The following AKAP6 variants were observed in gnomAD, a reference collection of about 807,000 sequenced individuals.
AKAP6 encodes A-kinase anchoring protein 6.
AKAP6 carries 58 observed loss-of-function variants against 188.5 expected under a neutral mutation model. The ratio of observed to expected loss-of-function variants is 0.31; its 90% CI spans 0.25 to 0.38. AKAP6 has a LOEUF of 0.38. AKAP6 is among the 10% of genes least tolerant of loss of function. The pLI is 1.00. For missense variants in AKAP6, 2,710 were observed against 2,740.0 expected (o/e 0.99, Z 0.24); for synonymous variants, 989 against 998.6 (o/e 0.99, Z 0.18).
chr14:32,751,013 C>T (rs909409063), intron 11 of AKAP6, among the ~76,000 whole-genome samples: 16 of 152,050 alleles, frequency 1.1e-4, no homozygotes, highest in African/African-American at 3.6e-4. Flanking sequence ...GGATTACAGG[C>T]GTGAGCCACC....
At chr14:32,513,798 A>G (rs949922537) in intron 2 of AKAP6, among the ~76,000 whole-genome samples, 1 of 152,158 alleles carries the variant, frequency 6.6e-6, no homozygotes, top group Non-Finnish European at 1.5e-5. Flanking sequence ...TAGCTTTGAC[A>G]TATTTTTTAC....
chr14:32,772,136 A>C (rs980842206), intron 11 of AKAP6, among the ~76,000 whole-genome samples: 1 of 151,990 alleles, frequency 6.6e-6, no homozygotes, highest in Non-Finnish European at 1.5e-5. Flanking sequence ...TTGAGGGGAG[A>C]CATTTGACAG....
At chr14:32,679,207 T>C (rs1049174230) in intron 8 of AKAP6, among the ~76,000 whole-genome samples, 1 of 152,170 alleles carries the variant, frequency 6.6e-6, no homozygotes, top group Non-Finnish European at 1.5e-5. Context: ...ATATGTATAT[T>C]TTTAAAAAGT....
At chr14:32,419,574 A>G (rs1455037197) in intron 1 of AKAP6, among the ~76,000 whole-genome samples, 1 of 152,050 alleles carries the variant, frequency 6.6e-6, no homozygotes, top group East Asian at 1.9e-4. Flanking sequence ...TTAAAAAATA[A>G]AAGTTATTCA....
chr14:32,446,248 A>G (rs1890751766), intron 2 of AKAP6, among the ~76,000 whole-genome samples: 2 of 152,234 alleles, frequency 1.3e-5, no homozygotes, highest in African/African-American at 2.4e-5. Context: ...GTTAAATACC[A>G]TATGGACTTG....
At chr14:32,828,535 A>T (rs1028293409) in intron 13 of AKAP6, among the ~76,000 whole-genome samples, 588 of 44,522 alleles carry the variant, frequency 0.013, 6 homozygotes, top group African/African-American at 0.09. Flanking sequence ...TCTCTCACAC[A>T]CACACACACA....
intron 5 of AKAP6, among the ~76,000 whole-genome samples, chr14:32,590,551 C>T (rs1428268325): frequency 2.6e-5 from 4 of 152,060 alleles, no homozygotes; most frequent in Non-Finnish European, 4.4e-5. Flanking sequence ...CAGATTCTAA[C>T]AAATGTTATA....
intron 8 of AKAP6, among the ~76,000 whole-genome samples, chr14:32,685,087 C>G (rs540330283): frequency 6.5e-5 from 6 of 91,850 alleles, no homozygotes; most frequent in East Asian, 1.1e-3. Context: ...AAGACCCCCC[C>G]CTACCAAACC....
chr14:32,510,380 G>GTATA (rs56715964), intron 2 of AKAP6, among the ~76,000 whole-genome samples: 43 of 95,402 alleles, frequency 4.5e-4, no homozygotes, highest in South Asian at 3.8e-3. Context: ...ATATATATGT[G>GTATA]TATATATATA....
chr14:32,650,977 T>C (rs1438210529), intron 7 of AKAP6, among the ~76,000 whole-genome samples: 3 of 152,174 alleles, frequency 2.0e-5, no homozygotes, highest in Non-Finnish European at 4.4e-5. Context: ...AGGTAAGACA[T>C]ATGAAGGAAA....
chr14:32,796,739 A>G (rs1300354609), intron 12 of AKAP6, among the ~76,000 whole-genome samples: 1 of 152,156 alleles, frequency 6.6e-6, no homozygotes, highest in Non-Finnish European at 1.5e-5. Flanking sequence ...GGACATAGCC[A>G]TGGGTAATGA....
intron 7 of AKAP6, among the ~76,000 whole-genome samples, chr14:32,666,482 C>T (rs1022826067): frequency 6.6e-5 from 10 of 151,800 alleles, no homozygotes; most frequent in Admixed American, 6.6e-5. Flanking sequence ...TTCTTTTTTT[C>T]CCCTCTCACA....
At chr14:32,771,350 A>AC (rs1566699908) in intron 11 of AKAP6, among the ~76,000 whole-genome samples, 1 of 151,610 alleles carries the variant, frequency 6.6e-6, no homozygotes, top group Admixed American at 6.6e-5. Context: ...GGAAAAAAAA[A>AC]AAAAACCCTG....
intron 2 of AKAP6, among the ~76,000 whole-genome samples, chr14:32,440,632 T>G (rs1215811279): frequency 2.0e-5 from 3 of 152,220 alleles, no homozygotes; most frequent in Non-Finnish European, 2.9e-5. Context: ...TTTTGGAACA[T>G]ATTATGCAAG....
chr14:32,783,486 A>G (rs147699579), intron 12 of AKAP6, among the ~76,000 whole-genome samples: 5 of 152,242 alleles, frequency 3.3e-5, no homozygotes, highest in Admixed American at 3.3e-4. Flanking sequence ...TTATACCTCA[A>G]TAAAGCTGTT....
At chr14:32,559,628 A>C (rs146286656) in intron 4 of AKAP6, among the ~76,000 whole-genome samples, 1 of 152,248 alleles carries the variant, frequency 6.6e-6, no homozygotes, top group East Asian at 1.9e-4. Flanking sequence ...CTGTGACTGC[A>C]AATTACAATC....
chr14:32,543,632 A>G (rs1029693622), intron 3 of AKAP6, among the ~76,000 whole-genome samples: 1 of 152,206 alleles, frequency 6.6e-6, no homozygotes, highest in Non-Finnish European at 1.5e-5. Flanking sequence ...TAACAACAAC[A>G]GGATGCTTCT....
In AKAP6 at chr14:32,599,424, T is replaced by A. The variant is rs1272394904; in HGVS notation, c.2484T>A (p.Asn828Lys). ...YLETHLSFKL[N>K]VDSHCALKEA... ...TTTCCTTGCAGAGTTTTAAGTTGAATGTAGACAGTCATTGTGCTCTCAAGG... is the reference window on the plus strand; with the variant it reads ...TTTCCTTGCAGAGTTTTAAGTTGAAAGTAGACAGTCATTGTGCTCTCAAGG... The change falls in exon 6 of 14, where the codon AAT becomes AAA. Residue 828 changes from asparagine to lysine, a missense_variant. Asn to Lys is a moderately conservative substitution (Grantham distance 94). Coordinates refer to ENST00000280979, the MANE Select transcript of AKAP6 (RefSeq NM_004274.5). The A allele has an allele frequency of 6.2e-7, 1 of 1,612,846 alleles. No homozygotes were observed. The highest frequency in any genetic ancestry group is 8.5e-7 in the Non-Finnish European group (1 of 1,179,254).
intron 1 of AKAP6, among the ~76,000 whole-genome samples, chr14:32,418,592 T>A (rs570015600): frequency 2.2e-4 from 33 of 152,066 alleles, no homozygotes; most frequent in South Asian, 1.2e-3. Flanking sequence ...ACCTAAATTT[T>A]AAAAAAAATC....
Sources: gnomAD v4.1 joint callset for allele counts (sites outside exome capture counted in the v4.1 genomes callset) on GRCh38, gnomAD v4.1.1 for gene constraint, MANE v1.5 for transcripts, NCBI Gene and HGNC (gene_info 2026-07-23, HGNC 2026-07-21) for gene names.